The following KIF3B variants were observed in gnomAD, a reference collection of about 807,000 sequenced individuals.
KIF3B encodes the protein kinesin-like protein KIF3B.
In KIF3B, 38 loss-of-function variants were observed where a neutral mutation model predicts 74.3. That is an observed-to-expected ratio of 0.51 (90% CI 0.39 to 0.67). The LOEUF is 0.67. Among genes scored for constraint, KIF3B ranks in the 30% least tolerant of loss-of-function variants. The probability of loss-of-function intolerance (pLI) is 0.00; values close to 1 mark genes in which losing one functional copy is unlikely to be tolerated. For synonymous variants in KIF3B, 326 were observed against 342.5 expected, an observed-to-expected ratio of 0.95 and a Z score of 0.53; for missense variants, 649 against 932.0, an observed-to-expected ratio of 0.70 and a Z score of 3.95.
chr20:32,318,379 A>T (rs1291761666), intron 5 of KIF3B, among the ~76,000 whole-genome samples: 3 of 152,186 alleles, frequency 2.0e-5, no homozygotes, highest in Non-Finnish European at 4.4e-5. Context: ...ATAGGGCTAT[A>T]AAACCACCAC....
intron 5 of KIF3B, among the ~76,000 whole-genome samples, chr20:32,319,541 C>CAT (rs2047847027): frequency 1.4e-5 from 2 of 144,246 alleles, no homozygotes; most frequent in African/African-American, 5.1e-5. Context: ...CACACACACA[C>CAT]ACATATGTGT....
At chr20:32,304,858 C>T (rs908868133) in intron 1 of KIF3B, among the ~76,000 whole-genome samples, 1 of 150,040 alleles carries the variant, frequency 6.7e-6, no homozygotes, top group Admixed American at 6.6e-5. Flanking sequence ...TAAAAAAAAA[C>T]AGCCAGGCAT....
rs1447478137 is a variant in KIF3B at position 32,312,101 on chromosome 20, C to G, written c.1404+920C>G. On this transcript the variant is annotated intron_variant, in intron 2 of 8. Transcript: ENST00000375712. ...TACAGACGTGAGCCACCGTGTCCGGCTTTTTTTTTTCTTTCTTTCTTTTTT... is the reference window on the plus strand; with the variant it reads ...TACAGACGTGAGCCACCGTGTCCGGGTTTTTTTTTTCTTTCTTTCTTTTTT... 5.6e-5 allele frequency among the ~76,000 whole-genome samples: 8 copies of G among 143,528 alleles called. No homozygotes were observed. In the East Asian group the frequency reaches 1.5e-3, roughly 27 times the overall value. The allele number at this position is 143,528 out of a possible 152,430, so 94.2% of individuals were successfully genotyped here.
intron 4 of KIF3B, 22 bp from the exon 5 acceptor site, chr20:32,316,734 C>T (rs752638466): frequency 2.5e-6 from 4 of 1,612,754 alleles, no homozygotes; most frequent in Non-Finnish European, 3.4e-6. Flanking sequence ...ACCCTCCTCA[C>T]CTGCCTCTCC....
chr20:32,288,553 G>A (rs544255586), intron 1 of KIF3B, among the ~76,000 whole-genome samples: 1 of 152,104 alleles, frequency 6.6e-6, no homozygotes, highest in Non-Finnish European at 1.5e-5. Flanking sequence ...TTTTGATGTA[G>A]TAGTTTTTCT....
At chr20:32,306,658 C>T (rs1229948153) in intron 1 of KIF3B, among the ~76,000 whole-genome samples, 5 of 129,952 alleles carry the variant, frequency 3.8e-5, no homozygotes, top group African/African-American at 1.4e-4. Context: ...GGTGCAATCT[C>T]GGCTCACTGC....
chr20:32,322,739 TA>T (rs1352425776), intron 5 of KIF3B, among the ~76,000 whole-genome samples: 9 of 59,358 alleles, frequency 1.5e-4, no homozygotes, highest in Non-Finnish European at 5.2e-5. Flanking sequence ...TATTTATATA[TA>T]TTTATTTATA....
At position 32,310,946 on chromosome 20, in the gene KIF3B, G is replaced by GT; in HGVS notation, c.1170dup (p.Gly391TrpfsTer14). The GT allele has an allele frequency of 6.2e-7, 1 of 1,612,202 alleles. No individual in the cohort carries two copies. Among genetic ancestry groups the GT allele is most frequent in the Non-Finnish European group, 8.5e-7 (1 of 1,178,454 alleles). On this transcript the variant is annotated frameshift_variant, in exon 2 of 9. Coordinates refer to ENST00000375712, the MANE Select transcript of KIF3B (RefSeq NM_004798.4). LOFTEE classifies it high-confidence loss of function. The surrounding 1 kb of genome is among the most constrained non-coding windows in gnomAD (Gnocchi z 6.5). ...AAGCGGAGGGAAGGTGGTGGCAGTGGTGGGGGTGGGGAAGAGGAGGAGGAG... is the reference window on the plus strand; with the variant it reads ...AAGCGGAGGGAAGGTGGTGGCAGTGGTTGGGGGTGGGGAAGAGGAGGAGGAG...
intron 5 of KIF3B, among the ~76,000 whole-genome samples, chr20:32,323,737 G>A (rs1053530394): frequency 6.6e-6 from 1 of 151,988 alleles, no homozygotes; most frequent in African/African-American, 2.4e-5. Context: ...AATTAGCTGG[G>A]TGTGGTGGCG....
intron 1 of KIF3B, among the ~76,000 whole-genome samples, chr20:32,298,585 C>A (rs1030795660): frequency 6.6e-6 from 1 of 152,178 alleles, no homozygotes; most frequent in Non-Finnish European, 1.5e-5. Context: ...CCCATCTCTA[C>A]TCCCATTATC....
intron 1 of KIF3B, among the ~76,000 whole-genome samples, chr20:32,290,522 A>G (rs749133763): frequency 6.6e-6 from 1 of 152,136 alleles, no homozygotes; most frequent in African/African-American, 2.4e-5. Context: ...ATTATTCACA[A>G]TAGCCAAGAG....
rs71185398 is a variant in KIF3B at position 32,292,583 on chromosome 20, G to GAAA, written c.-66+14839_-66+14841dup. Among the ~76,000 whole-genome samples, 14 of 71,818 alleles carry GAAA rather than the reference G, an allele frequency of 1.9e-4. 1 individual carries two copies. The highest frequency in any genetic ancestry group is 9.1e-4 in the East Asian group (2 of 2,206). The allele number at this position is 71,818 out of a possible 152,430, so 47.1% of individuals were successfully genotyped here. A position where few individuals can be genotyped will look rare whatever the true frequency, so the allele number is the denominator to read the frequency against. ...TGAAACCTCGTCTCTACTAAAAATAGAAAAAAAAAAAAAAAAAAAAAAAGA... is the reference window on the plus strand; with the variant it reads ...TGAAACCTCGTCTCTACTAAAAATAGAAAAAAAAAAAAAAAAAAAAAAAAAAGA... On this transcript the variant is annotated intron_variant, in intron 1 of 8. Coordinates refer to ENST00000375712, the MANE Select transcript of KIF3B (RefSeq NM_004798.4).
intron 1 of KIF3B, among the ~76,000 whole-genome samples, chr20:32,280,714 CAAAAAAAAAAAA>C (rs34366324): frequency 3.9e-5 from 2 of 51,346 alleles, no homozygotes; most frequent in African/African-American, 7.7e-5. Flanking sequence ...GACTCCGTCT[CAAAAAAAAAAAA>C]AAAAAAAAAA....
chr20:32,301,172 C>G lies in KIF3B; in HGVS notation c.-65-8541C>G, dbSNP rs2047742286. ...GCGCAATCTCGGCTCACTGCAGCCT[C>G]CACCTCCTGGATTCAAGCAATTCTC... On this transcript the variant is annotated intron_variant, in intron 1 of 8. Coordinates refer to ENST00000375712, the MANE Select transcript of KIF3B (RefSeq NM_004798.4). Among the ~76,000 whole-genome samples the G allele has an allele frequency of 5.4e-5, 8 of 148,876 alleles. No homozygotes were observed. The Admixed American group carries it at 5.4e-4, about 10-fold the overall frequency.
intron 1 of KIF3B, among the ~76,000 whole-genome samples, chr20:32,298,009 C>T (rs2047724253): frequency 6.6e-6 from 1 of 151,672 alleles, no homozygotes; most frequent in Non-Finnish European, 1.5e-5. Context: ...ACTTGGGAGG[C>T]TAAGCGGGGA....
chr20:32,305,242 G>A (rs2047764245), intron 1 of KIF3B, among the ~76,000 whole-genome samples: 1 of 151,884 alleles, frequency 6.6e-6, no homozygotes. Flanking sequence ...TGCACCTATA[G>A]TCCCAGCTAC....
chr20:32,310,846 G>C lies in KIF3B; in HGVS notation c.1069G>C (p.Glu357Gln). 3 of 1,613,580 alleles carry C rather than the reference G, an allele frequency of 1.9e-6. No homozygotes were observed. The highest frequency in any genetic ancestry group is 2.5e-6 in the Non-Finnish European group (3 of 1,179,914). ...GGACCCCAAGGATGCCCTCCTTCGA[G>C]AATTCCAGGAAGAGATTGCTCGGCT... Reference protein sequence around the residue: ...NEDPKDALLREFQEEIARLKA... With the variant: ...NEDPKDALLRQFQEEIARLKA... The change falls in exon 2 of 9, where the codon GAA (glutamate) becomes CAA (glutamine). Residue 357 changes from glutamate (E) to glutamine (Q), a missense_variant. By Grantham distance (29) the Glu-to-Gln change is conservative (BLOSUM62 2). Coordinates refer to ENST00000375712, the MANE Select transcript of KIF3B (RefSeq NM_004798.4). This position sits in a 1 kb window ranked among gnomAD's most constrained non-coding sequence, Gnocchi z 6.5.
At chr20:32,318,405 G>C (rs983838195) in intron 5 of KIF3B, among the ~76,000 whole-genome samples, 7 of 152,038 alleles carry the variant, frequency 4.6e-5, no homozygotes, top group African/African-American at 1.7e-4. Context: ...TCTAATTTTA[G>C]AACATTTTTA....
Position 32,327,628 on chromosome 20 carries a change from G to T in KIF3B, c.1935G>T (p.Met645Ile). ...GACCATTGAGCCAGCACGCAAGAAT[G>T]TCCATGATGATTCGTCCAGAGGCCC... is the stretch of plus-strand genomic sequence containing the variant. ...YKRPLSQHARMSMMIRPEARY... is the reference protein window; with the variant it reads ...YKRPLSQHARISMMIRPEARY... The change falls in exon 7 of 9, where the codon ATG becomes ATT. Residue 645 changes from methionine (M) to isoleucine (I), a missense_variant. This residue lies in a region of KIF3B where 186 missense variants were observed against 198.5 expected (regional missense o/e 0.94). Transcript: ENST00000375712. 6.2e-7 allele frequency: 1 copy of T among 1,613,432 alleles called. No individual in the cohort carries two copies. The highest frequency in any genetic ancestry group is 8.5e-7 in the Non-Finnish European group (1 of 1,179,712).
Sources: allele counts gnomAD v4.1 joint callset (sites outside exome capture counted in the v4.1 genomes callset), GRCh38; gene constraint gnomAD v4.1.1; regional missense constraint gnomAD v4.1.1; non-coding constraint Gnocchi (gnomAD v3.1); transcripts MANE v1.5; gene names NCBI Gene and HGNC (gene_info 2026-07-23, HGNC 2026-07-21).